The following ARHGAP15 variants were observed in gnomAD, a reference collection of about 807,000 sequenced individuals.
ARHGAP15 encodes Rho GTPase activating protein 15, also known as rho GTPase-activating protein 15.
ARHGAP15 carries 51 observed loss-of-function variants against 63.7 expected under a neutral mutation model. The ratio of observed to expected loss-of-function variants is 0.80; its 90% CI spans 0.64 to 1.01. The LOEUF (loss-of-function observed/expected upper bound fraction) is 1.01. Ranked by LOEUF, ARHGAP15 falls within the 50% of genes least tolerant of loss-of-function variation. ARHGAP15 has a pLI of 0.00. For missense variants in ARHGAP15, 560 were observed against 564.6 expected (o/e 0.99, Z 0.08); for synonymous variants, 191 against 193.8 (o/e 0.99, Z 0.12).
chr2:143,646,078 G>T (rs1680861515), intron 12 of ARHGAP15, among the ~76,000 whole-genome samples: 1 of 152,032 alleles, frequency 6.6e-6, no homozygotes, highest in African/African-American at 2.4e-5. Context: ...ACAGTAAGAT[G>T]AGCAGGGCAT....
At chr2:143,202,279 C>T in intron 3 of ARHGAP15, 77 bp downstream of exon 3, 1 of 1,184,210 alleles carries the variant, frequency 8.4e-7, no homozygotes, top group South Asian at 1.2e-5. Flanking sequence ...CTTAGAACAG[C>T]TTAAGTTATT....
At chr2:143,395,411 T>TG in intron 6 of ARHGAP15, among the ~76,000 whole-genome samples, 1 of 152,268 alleles carries the variant, frequency 6.6e-6, no homozygotes, top group Admixed American at 6.5e-5. Context: ...ATGGTGTTTG[T>TG]GGTCTAAATC....
intron 2 of ARHGAP15, among the ~76,000 whole-genome samples, chr2:143,168,606 C>T (rs1690642644): frequency 6.7e-6 from 1 of 149,780 alleles, no homozygotes; most frequent in African/African-American, 2.4e-5. Context: ...GTTTTAAATA[C>T]TCTGTTTATT....
At chr2:143,513,447 G>T (rs149972115) in intron 9 of ARHGAP15, among the ~76,000 whole-genome samples, 36 of 152,242 alleles carry the variant, frequency 2.4e-4, no homozygotes, top group Admixed American at 7.2e-4. Flanking sequence ...TAACTAAGTA[G>T]TCCCCATATG....
chr2:143,746,114 T>C (rs74858216), intron 13 of ARHGAP15, among the ~76,000 whole-genome samples: 6,747 of 152,256 alleles, frequency 0.044, 320 homozygotes, highest in East Asian at 0.25. Flanking sequence ...TTCTCTTCTG[T>C]ATATATTATT....
Position 143,646,285 on chromosome 2 carries a change from A to G in ARHGAP15, c.1138+22018A>G, listed in dbSNP as rs191030586. 7.6e-4 allele frequency among the ~76,000 whole-genome samples: 115 copies of G among 152,192 alleles called. 1 individual carries two copies. The highest frequency in any genetic ancestry group is 1.5e-3 in the Non-Finnish European group (102 of 67,964). On this transcript the variant is annotated intron_variant, in intron 12 of 13. Transcript: ENST00000295095. ...TGGAGTTGTTTCATATGAAAGAAGA[A>G]GGTGGAATGCAAAAGAAAAAAAAAG...
At chr2:143,593,996 G>A (rs1437753038) in intron 11 of ARHGAP15, among the ~76,000 whole-genome samples, 1 of 152,068 alleles carries the variant, frequency 6.6e-6, no homozygotes, top group African/African-American at 2.4e-5. Context: ...TAACTCTTAA[G>A]CAGAAATGTG....
intron 10 of ARHGAP15, among the ~76,000 whole-genome samples, chr2:143,548,505 T>C (rs758455384): frequency 6.6e-6 from 1 of 151,964 alleles, no homozygotes; most frequent in Non-Finnish European, 1.5e-5. Context: ...TAAGCCATTT[T>C]CTTAGAAACG....
At chr2:143,756,159 C>T (rs1398523065) in intron 13 of ARHGAP15, among the ~76,000 whole-genome samples, 1 of 152,102 alleles carries the variant, frequency 6.6e-6, no homozygotes, top group East Asian at 1.9e-4. Flanking sequence ...TTGCTCTTCT[C>T]TTCACCTATA....
chr2:143,324,944 A>G (rs1684186166), intron 6 of ARHGAP15, among the ~76,000 whole-genome samples: 1 of 152,202 alleles, frequency 6.6e-6, no homozygotes, highest in Non-Finnish European at 1.5e-5. Flanking sequence ...ACATGATTAT[A>G]ATGAATATTC....
At chr2:143,705,026 T>C (rs1441010149) in intron 13 of ARHGAP15, among the ~76,000 whole-genome samples, 3 of 152,192 alleles carry the variant, frequency 2.0e-5, no homozygotes, top group Non-Finnish European at 4.4e-5. Flanking sequence ...TTGCTTCTAA[T>C]GTTAAAGTAC....
rs766100996 is a variant in ARHGAP15, at chr2:143,565,945, C to T, written c.1003+9460C>T. On this transcript the variant is annotated intron_variant, in intron 11 of 13. Transcript: ENST00000295095. ...TTGCTGGTAATTACAGCTTTAGTGA[C>T]TCACATATATTTATATAGCACCTCT... 1.4e-4 allele frequency among the ~76,000 whole-genome samples: 22 copies of T among 152,250 alleles called. 1 individual carries two copies. The highest frequency in any genetic ancestry group is 2.5e-4 in the Non-Finnish European group (17 of 68,014).
intron 2 of ARHGAP15, among the ~76,000 whole-genome samples, chr2:143,197,071 A>G (rs1691910300): frequency 6.6e-6 from 1 of 152,042 alleles, no homozygotes; most frequent in African/African-American, 2.4e-5. Context: ...CAACTTGAAG[A>G]ATAAAATGTA....
In ARHGAP15 at chr2:143,322,370, A is replaced by G. The variant is rs575760458; in HGVS notation, c.474+71770A>G. Among the ~76,000 whole-genome samples, 18 of 152,334 alleles carry G rather than the reference A, an allele frequency of 1.2e-4. No homozygotes were observed. The South Asian group carries it at 3.7e-3, about 32-fold the overall frequency. On this transcript the variant is annotated intron_variant, in intron 6 of 13. Coordinates refer to ENST00000295095, the MANE Select transcript of ARHGAP15 (RefSeq NM_018460.4). ...TAAGGTGTTACTTTTATTCATAATTAAAAAGTTTAATCAGAGAGTGGGCTA... is the reference window on the plus strand; with the variant it reads ...TAAGGTGTTACTTTTATTCATAATTGAAAAGTTTAATCAGAGAGTGGGCTA...
At chr2:143,610,120 T>C (rs1031711749) in intron 11 of ARHGAP15, among the ~76,000 whole-genome samples, 4 of 152,112 alleles carry the variant, frequency 2.6e-5, no homozygotes, top group African/African-American at 9.7e-5. Flanking sequence ...GGTCAAATTT[T>C]AAGACTGAAT....
At chr2:143,238,199 T>C (rs1693728048) in intron 5 of ARHGAP15, 1 of 151,872 alleles carries the variant, frequency 6.6e-6, no homozygotes, top group South Asian at 2.1e-4. Flanking sequence ...ACAAATGGGG[T>C]CTAATTAAAC....
chr2:143,539,523 G>A (rs7596225), intron 10 of ARHGAP15, among the ~76,000 whole-genome samples: 124,500 of 151,832 alleles, frequency 0.82, 51,151 homozygotes, highest in South Asian at 0.84. Context: ...ATTTAGTGCT[G>A]TAAATTTCCC....
intron 6 of ARHGAP15, among the ~76,000 whole-genome samples, chr2:143,357,159 C>A (rs116372704): frequency 6.6e-6 from 1 of 152,088 alleles, no homozygotes; most frequent in Non-Finnish European, 1.5e-5. Flanking sequence ...ATTTAATATA[C>A]TGTATTATGG....
chr2:143,765,987 T>C (rs1686935023), intron 13 of ARHGAP15, among the ~76,000 whole-genome samples: 1 of 152,162 alleles, frequency 6.6e-6, no homozygotes, highest in South Asian at 2.1e-4. Flanking sequence ...TCAAATATGC[T>C]TTGCTGGCCA....
Sources: allele counts gnomAD v4.1 joint callset (sites outside exome capture counted in the v4.1 genomes callset), GRCh38; gene constraint gnomAD v4.1.1; transcripts MANE v1.5; gene names NCBI Gene and HGNC (gene_info 2026-07-23, HGNC 2026-07-21).